The following WWOX variants were observed in gnomAD, a reference collection of about 807,000 sequenced individuals.
The protein encoded by WWOX is WW domain-containing oxidoreductase.
Under a neutral mutation model 46.2 loss-of-function variants are expected in WWOX, and 69 were observed. The ratio of observed to expected loss-of-function variants is 1.49; its 90% CI spans 1.23 to 1.82. WWOX has a LOEUF of 1.82. Ranked by LOEUF, WWOX falls within the 40% of genes most tolerant of loss-of-function variation. The pLI is 0.00. For synonymous variants in WWOX, 359 were observed against 202.6 expected, an observed-to-expected ratio of 1.77 and a Z score of -6.56; for missense variants, 919 against 542.6, an observed-to-expected ratio of 1.69 and a Z score of -6.89.
intron 8 of WWOX, among the ~76,000 whole-genome samples, chr16:78,716,732 G>GAA (rs369139154): frequency 1.3e-5 from 2 of 150,458 alleles, no homozygotes; most frequent in Non-Finnish European, 3.0e-5. Context: ...GTGTGGAACA[G>GAA]AAAAAAAAGC....
chr16:78,665,977 G>A (rs1463658738), intron 8 of WWOX, among the ~76,000 whole-genome samples: 4 of 151,682 alleles, frequency 2.6e-5, no homozygotes, highest in Middle Eastern at 3.2e-3. Context: ...GAGCCGCTGC[G>A]CCTGGCCAAG....
chr16:79,013,931 C>G (rs567246409), intron 8 of WWOX, among the ~76,000 whole-genome samples: 9 of 152,286 alleles, frequency 5.9e-5, no homozygotes, highest in African/African-American at 1.7e-4. Flanking sequence ...ACCAGAAACA[C>G]CTCCTCCCCA....
intron 8 of WWOX, among the ~76,000 whole-genome samples, chr16:78,993,245 C>T (rs1469470473): frequency 6.6e-6 from 1 of 151,474 alleles, no homozygotes; most frequent in Non-Finnish European, 1.5e-5. Flanking sequence ...GATAACGGCG[C>T]CGAAACTTTA....
At chr16:78,487,263 G>A (rs552551224) in intron 8 of WWOX, among the ~76,000 whole-genome samples, 1 of 151,642 alleles carries the variant, frequency 6.6e-6, no homozygotes, top group South Asian at 2.1e-4. Context: ...CTGTAGACAG[G>A]TGCTAGGTTT....
At chr16:78,448,965 G>A (rs1036890241) in intron 8 of WWOX, among the ~76,000 whole-genome samples, 5 of 152,130 alleles carry the variant, frequency 3.3e-5, no homozygotes, top group Admixed American at 2.6e-4. Context: ...AGCTGGTCTG[G>A]TTACAGAGGG....
intron 8 of WWOX, among the ~76,000 whole-genome samples, chr16:79,140,149 T>A (rs1172732305): frequency 6.6e-6 from 1 of 152,172 alleles, no homozygotes; most frequent in Non-Finnish European, 1.5e-5. Flanking sequence ...ATTGTTTTTC[T>A]TTCTGGTAAA....
At chr16:79,062,731 G>T (rs769028363) in intron 8 of WWOX, among the ~76,000 whole-genome samples, 3 of 152,166 alleles carry the variant, frequency 2.0e-5, no homozygotes, top group Admixed American at 2.0e-4. Flanking sequence ...TGAGGAGGAA[G>T]GTGGCTTTAT....
intron 8 of WWOX, among the ~76,000 whole-genome samples, chr16:78,560,469 C>T (rs1018851374): frequency 3.3e-5 from 5 of 151,936 alleles, no homozygotes; most frequent in African/African-American, 1.2e-4. Flanking sequence ...ATGGTGAAAC[C>T]CCCGTCTCTA....
chr16:78,816,961 A>G (rs2051346589), intron 8 of WWOX, among the ~76,000 whole-genome samples: 1 of 152,114 alleles, frequency 6.6e-6, no homozygotes, highest in South Asian at 2.1e-4. Context: ...ACAAACAAGT[A>G]AATACCTTGG....
At chr16:78,498,639 C>A (rs2084978074) in intron 8 of WWOX, among the ~76,000 whole-genome samples, 1 of 152,178 alleles carries the variant, frequency 6.6e-6, no homozygotes, top group Non-Finnish European at 1.5e-5. Flanking sequence ...ATTGTTGTTT[C>A]ACTAATTCTG....
At chr16:78,983,312 C>T (rs931622599) in intron 8 of WWOX, among the ~76,000 whole-genome samples, 2 of 152,140 alleles carry the variant, frequency 1.3e-5, no homozygotes, top group African/African-American at 4.8e-5. Context: ...GAATCAGGAA[C>T]CAGGGCCTCC....
intron 8 of WWOX, among the ~76,000 whole-genome samples, chr16:79,118,622 G>A (rs1320994802): frequency 6.6e-6 from 1 of 152,168 alleles, no homozygotes; most frequent in East Asian, 1.9e-4. Flanking sequence ...AATACATACA[G>A]CTCAGTGAAG....
At chr16:78,905,196 G>A (rs776848884) in intron 8 of WWOX, among the ~76,000 whole-genome samples, 26 of 152,150 alleles carry the variant, frequency 1.7e-4, no homozygotes, top group Non-Finnish European at 3.8e-4. Context: ...TGAGCATGAG[G>A]TTGATGGCCA....
intron 8 of WWOX, among the ~76,000 whole-genome samples, chr16:78,994,164 C>T (rs2046942851): frequency 6.6e-6 from 1 of 152,218 alleles, no homozygotes; most frequent in African/African-American, 2.4e-5. Context: ...CCCCTTCAGA[C>T]AAACTGCATC....
At chr16:78,149,201 C>T (rs755099404) in intron 4 of WWOX, among the ~76,000 whole-genome samples, 1 of 151,960 alleles carries the variant, frequency 6.6e-6, no homozygotes, top group African/African-American at 2.4e-5. Context: ...TAAAGTTTGA[C>T]AGTGAAGACT....
chr16:79,007,477 T>C (rs1026071187), intron 8 of WWOX, among the ~76,000 whole-genome samples: 1 of 152,188 alleles, frequency 6.6e-6, no homozygotes, highest in Admixed American at 6.5e-5. Context: ...TGTTAGTAAC[T>C]GTTGCAAGGA....
chr16:78,426,693 C>G (rs2083086679), intron 7 of WWOX, among the ~76,000 whole-genome samples: 1 of 152,100 alleles, frequency 6.6e-6, no homozygotes, highest in Admixed American at 6.5e-5. Context: ...GACATGGAGT[C>G]TTGATCTGTT....
intron 5 of WWOX, among the ~76,000 whole-genome samples, chr16:78,322,619 C>G (rs966217522): frequency 3.9e-5 from 6 of 152,228 alleles, no homozygotes; most frequent in African/African-American, 1.4e-4. Context: ...ATTAAATCTT[C>G]TGAAGCAACT....
chr16:78,953,846 T>C (rs2046112134), intron 8 of WWOX, among the ~76,000 whole-genome samples: 1 of 152,210 alleles, frequency 6.6e-6, no homozygotes, highest in Non-Finnish European at 1.5e-5. Context: ...TCCACTCTCC[T>C]GTAGCATTTT....
Sources: gnomAD v4.1 joint callset for allele counts (sites outside exome capture counted in the v4.1 genomes callset) on GRCh38, gnomAD v4.1.1 for gene constraint, MANE v1.5 for transcripts, NCBI Gene and HGNC (gene_info 2026-07-23, HGNC 2026-07-21) for gene names.